The following EXD2 variants were observed in gnomAD, a reference collection of about 807,000 sequenced individuals.
EXD2 encodes exonuclease 3'-5' domain containing 2.
Under a neutral mutation model 62.5 loss-of-function variants are expected in EXD2, and 40 were observed. That is an observed-to-expected ratio of 0.64 (90% CI 0.50 to 0.83). The LOEUF is 0.83. EXD2 is among the 40% of genes least tolerant of loss of function. EXD2 has a pLI of 0.00. For synonymous variants in EXD2, 239 were observed against 291.9 expected, an observed-to-expected ratio of 0.82 and a Z score of 1.85; for missense variants, 671 against 761.8, an observed-to-expected ratio of 0.88 and a Z score of 1.40.
chr14:69,207,473 G>A (rs10147678), intron 2 of EXD2, among the ~76,000 whole-genome samples: 10,090 of 152,062 alleles, frequency 0.066, 1,108 homozygotes, highest in African/African-American at 0.23. Context: ...AGGTCTGGGC[G>A]ACGGCGAGAG....
chr14:69,220,271 T>G (rs1566829270), intron 3 of EXD2, among the ~76,000 whole-genome samples: 1 of 111,608 alleles, frequency 9.0e-6, no homozygotes, highest in East Asian at 2.5e-4. Flanking sequence ...TTTTTTTTTT[T>G]TTTTTTTTTT....
At position 69,234,894 on chromosome 14, in the gene EXD2, T is replaced by C; in HGVS notation, c.912T>C (p.Val304=). The change falls in exon 6 of 10, where the codon GTT becomes GTC. Residue 304 remains valine, a synonymous_variant. Transcript: ENST00000685843. The part of the protein sequence containing the change: ...SKGMSRLGEE[V]NGEATESQQK... The stretch of plus-strand genomic sequence containing the variant: ...GAATGAGCAGATTGGGAGAAGAGGT[T>C]AATGGGGAAGCAACAGAATCTCAGC... The C allele has an allele frequency of 6.2e-7, 1 of 1,614,108 alleles. No homozygotes were observed. The highest frequency in any genetic ancestry group is 8.5e-7 in the Non-Finnish European group (1 of 1,180,016).
chr14:69,213,174 C>A (rs1026271867), intron 3 of EXD2, among the ~76,000 whole-genome samples: 1 of 149,406 alleles, frequency 6.7e-6, no homozygotes, highest in Non-Finnish European at 1.5e-5. Context: ...GCCTTAACCT[C>A]CCAGGCCCAA....
At chr14:69,202,637 GA>G (rs796417588) in intron 1 of EXD2, among the ~76,000 whole-genome samples, 4 of 150,346 alleles carry the variant, frequency 2.7e-5, no homozygotes, top group African/African-American at 2.4e-5. Flanking sequence ...GGCTGGAAAA[GA>G]AAAAAAAATG....
rs1213577509 is a variant in EXD2, at chr14:69,241,566, A to G, written c.*466A>G. 3.2e-6 allele frequency: 1 copy of G among 308,274 alleles called. No homozygotes were observed. Among genetic ancestry groups the G allele is most frequent in the Non-Finnish European group, 5.9e-6 (1 of 169,774 alleles). 19.1% of individuals were successfully genotyped at this position (308,274 alleles called of 1,614,324 possible). A position where few individuals can be genotyped will look rare whatever the true frequency, so the allele number is the denominator to read the frequency against. ...GGCTGGAGAAGTGAACAAGGAGTCA[A>G]ATTTATTTTCCCAATTCAACTTCAT... On this transcript the variant is annotated 3_prime_UTR_variant, in exon 10 of 10. Coordinates refer to ENST00000685843, the MANE Select transcript of EXD2 (RefSeq NM_001193360.2).
intron 1 of EXD2, chr14:69,196,192 TCTC>T (rs1236483212): frequency 2.0e-5 from 3 of 152,316 alleles, no homozygotes; most frequent in East Asian, 1.9e-4. Flanking sequence ...GCCTGTTTCT[TCTC>T]CTCCTCCTGT....
rs907007732 is a variant in EXD2, at chr14:69,218,490, C to T, written c.333+8687C>T. ...CCATTCTGTAGGTTGCCTGTTCACTCTGATGGTAGTTTCTTTTGCTGTGCA... is the reference window on the plus strand; with the variant it reads ...CCATTCTGTAGGTTGCCTGTTCACTTTGATGGTAGTTTCTTTTGCTGTGCA... On this transcript the variant is annotated intron_variant, in intron 3 of 9. Transcript: ENST00000685843. Among the ~76,000 whole-genome samples the T allele has an allele frequency of 1.2e-4, 19 of 152,264 alleles. No individual in the cohort carries two copies. In the East Asian group the frequency reaches 3.3e-3, roughly 26 times the overall value.
chr14:69,193,959 T>G (rs1367911702), intron 1 of EXD2, among the ~76,000 whole-genome samples: 1 of 152,168 alleles, frequency 6.6e-6, no homozygotes, highest in Non-Finnish European at 1.5e-5. Context: ...GCCAAAAATG[T>G]CAGTTGTGCT....
In EXD2 at chr14:69,237,896, G is replaced by A. The variant is rs751210628; in HGVS notation, c.1614G>A (p.Glu538=). The A allele has an allele frequency of 6.3e-7, 1 of 1,584,874 alleles. No individual in the cohort carries two copies. Among genetic ancestry groups the A allele is most frequent in the Admixed American group, 1.8e-5 (1 of 54,834 alleles). ...REFYNTDVVT[E]EMLQEAASLE... Reference sequence around the variant, plus strand: ...TTTATAACACAGACGTGGTCACAGAGGAGATGCTTCAAGAGGCTGCCAGCC... The same window carrying A: ...TTTATAACACAGACGTGGTCACAGAAGAGATGCTTCAAGAGGCTGCCAGCC... The change falls in exon 9 of 10, where the codon GAG becomes GAA. Residue 538 remains glutamate (E), a synonymous_variant. Coordinates refer to ENST00000685843, the MANE Select transcript of EXD2 (RefSeq NM_001193360.2).
chr14:69,221,418 A>G (rs1231459441), intron 3 of EXD2, among the ~76,000 whole-genome samples: 1 of 152,106 alleles, frequency 6.6e-6, no homozygotes, highest in Non-Finnish European at 1.5e-5. Flanking sequence ...CTCAGTTTTG[A>G]TAAGTTATAT....
chr14:69,235,946 G>C, intron 6 of EXD2, 100 bp from the exon 7 acceptor site: 2 of 860,774 alleles, frequency 2.3e-6, no homozygotes, highest in Non-Finnish European at 4.0e-6. Context: ...TTAGTGTTGA[G>C]AATAGTTTTG....
intron 1 of EXD2, among the ~76,000 whole-genome samples, chr14:69,195,691 A>AGACC (rs1281875532): frequency 6.6e-6 from 1 of 152,160 alleles, no homozygotes; most frequent in African/African-American, 2.4e-5. Context: ...GACTCCCCTG[A>AGACC]GACCCCAGCC....
At chr14:69,207,774 T>C (rs1475706445) in intron 2 of EXD2, among the ~76,000 whole-genome samples, 1 of 152,180 alleles carries the variant, frequency 6.6e-6, no homozygotes, top group South Asian at 2.1e-4. Context: ...ACCTGACTTA[T>C]CTTAAACAAG....
chr14:69,217,071 G>A (rs2043010281), intron 3 of EXD2, among the ~76,000 whole-genome samples: 1 of 151,870 alleles, frequency 6.6e-6, no homozygotes, highest in Non-Finnish European at 1.5e-5. Flanking sequence ...TTATTTTTTA[G>A]AGACATGTTC....
rs1389901426 is a variant in EXD2, at chr14:69,242,982, G to A, written c.*1882G>A. ...TTTCCTTCTAATCCTCATGCCAAGAGGTGAGAAACACTTAAGGTCATTTAA... is the reference window on the plus strand; with the variant it reads ...TTTCCTTCTAATCCTCATGCCAAGAAGTGAGAAACACTTAAGGTCATTTAA... On this transcript the variant is annotated 3_prime_UTR_variant, in exon 10 of 10. Transcript: ENST00000685843. 6.6e-6 allele frequency: 1 copy of A among 152,150 alleles called. No homozygotes were observed. Among genetic ancestry groups the A allele is most frequent in the Non-Finnish European group, 1.5e-5 (1 of 68,026 alleles). 9.4% of individuals were successfully genotyped at this position (152,150 alleles called of 1,614,324 possible).
In EXD2 at chr14:69,191,550, C is replaced by T. The variant is rs565915431; in HGVS notation, c.-173C>T. 54 of 152,466 alleles carry T rather than the reference C, an allele frequency of 3.5e-4. No homozygotes were observed. Among genetic ancestry groups the T allele is most frequent in the African/African-American group, 1.3e-3 (53 of 41,574 alleles). 9.4% of individuals were successfully genotyped at this position (152,466 alleles called of 1,614,324 possible). ...GGCCGCACAGGTTCCAGGTCTTTAACGTGAGCCCGCTGCAGGTGTGCGGCC... is the reference window on the plus strand; with the variant it reads ...GGCCGCACAGGTTCCAGGTCTTTAATGTGAGCCCGCTGCAGGTGTGCGGCC... On this transcript the variant is annotated 5_prime_UTR_variant, in exon 1 of 10. The change creates a new upstream start codon in the 5' untranslated region. Transcript: ENST00000685843.
At chr14:69,206,455 C>CCTTTTTTTTTGTTTTTTTTTTTTT (rs60787528) in intron 2 of EXD2, among the ~76,000 whole-genome samples, 1 of 94,668 alleles carries the variant, frequency 1.1e-5, no homozygotes, top group African/African-American at 4.5e-5. Context: ...CACCCACCCA[C>CCTTTTTTTTTGTTTTTTTTTTTTT]TTTTTTTTTT....
intron 1 of EXD2, among the ~76,000 whole-genome samples, chr14:69,196,483 T>TAGAA (rs2042208439): frequency 6.6e-6 from 1 of 151,824 alleles, no homozygotes; most frequent in South Asian, 2.1e-4. Flanking sequence ...ACATGTGTTT[T>TAGAA]CATTTCCCTT....
At chr14:69,219,694 C>G (rs1378384049) in intron 3 of EXD2, among the ~76,000 whole-genome samples, 1 of 152,152 alleles carries the variant, frequency 6.6e-6, no homozygotes, top group Non-Finnish European at 1.5e-5. Flanking sequence ...ACATATTTCT[C>G]TTGTATTAAG....
Sources: allele counts gnomAD v4.1 joint callset (sites outside exome capture counted in the v4.1 genomes callset), GRCh38; gene constraint gnomAD v4.1.1; transcripts MANE v1.5; gene names NCBI Gene and HGNC (gene_info 2026-07-23, HGNC 2026-07-21).